The following RALGPS2 variants were observed in gnomAD, a reference collection of about 807,000 sequenced individuals.
RALGPS2 encodes ras-specific guanine nucleotide-releasing factor RalGPS2.
In RALGPS2, 43 loss-of-function variants were observed where a neutral mutation model predicts 86.8. That is an observed-to-expected ratio of 0.50 (90% CI 0.39 to 0.64). RALGPS2 has a LOEUF of 0.64. Ranked by LOEUF, RALGPS2 falls within the 30% of genes least tolerant of loss-of-function variation. The pLI is 0.00. For synonymous variants in RALGPS2, 243 were observed against 231.3 expected, an observed-to-expected ratio of 1.05 and a Z score of -0.46; for missense variants, 536 against 694.6, an observed-to-expected ratio of 0.77 and a Z score of 2.57.
intron 1 of RALGPS2, among the ~76,000 whole-genome samples, chr1:178,759,543 T>G (rs1482762998): frequency 6.6e-6 from 1 of 151,206 alleles, no homozygotes; most frequent in Non-Finnish European, 1.5e-5. Context: ...TTTTTTTTTT[T>G]TGCCCAAGAT....
intron 19 of RALGPS2, 129 bp downstream of exon 19, chr1:178,906,996 AC>A: frequency 1.3e-6 from 1 of 786,332 alleles, no homozygotes; most frequent in Non-Finnish European, 2.0e-6. Flanking sequence ...CTTGTTGATT[AC>A]AGTTAATAAG....
At chr1:178,898,570 CCTTT>C (rs1660040427) in intron 17 of RALGPS2, among the ~76,000 whole-genome samples, 1 of 152,030 alleles carries the variant, frequency 6.6e-6, no homozygotes, top group South Asian at 2.1e-4. Context: ...GATAGCATTG[CCTTT>C]CTTTATCAGC....
chr1:178,850,834 A>G (rs1013090184), intron 8 of RALGPS2: 1 of 223,386 alleles, frequency 4.5e-6, no homozygotes, highest in South Asian at 1.7e-4. Flanking sequence ...GATTTAAAAT[A>G]TAGCTAAGAT....
chr1:178,862,165 G>A (rs1380671998), intron 8 of RALGPS2, among the ~76,000 whole-genome samples: 2 of 152,060 alleles, frequency 1.3e-5, no homozygotes, highest in Non-Finnish European at 2.9e-5. Context: ...GAGCCACCAT[G>A]CCCGGCGAGG....
rs368273991 is a variant in RALGPS2 at position 178,749,222 on chromosome 1, C to T, written c.-84+23803C>T. Among the ~76,000 whole-genome samples the T allele has an allele frequency of 3.3e-3, 498 of 152,174 alleles. 4 individuals are homozygous for T. Among genetic ancestry groups the T allele is most frequent in the South Asian group, 0.012 (57 of 4,818 alleles). ...TTCATGCAGGCTGGGTGTGGTGGCTCACGCCTATAATCCTAGCACTTTGGG... is the reference window on the plus strand; with the variant it reads ...TTCATGCAGGCTGGGTGTGGTGGCTTACGCCTATAATCCTAGCACTTTGGG... On this transcript the variant is annotated intron_variant, in intron 1 of 19. Coordinates refer to ENST00000367635, the MANE Select transcript of RALGPS2 (RefSeq NM_152663.5).
chr1:178,785,711 T>C, intron 4 of RALGPS2, 104 bp downstream of exon 4: 1 of 1,395,412 alleles, frequency 7.2e-7, no homozygotes, highest in Non-Finnish European at 9.6e-7. Flanking sequence ...TTTAAAATGT[T>C]TGAAGCTTGT....
At chr1:178,801,642 C>T (rs146803322) in intron 4 of RALGPS2, among the ~76,000 whole-genome samples, 1 of 152,066 alleles carries the variant, frequency 6.6e-6, no homozygotes, top group Non-Finnish European at 1.5e-5. Context: ...GGAAAAAATG[C>T]TTTGTCACTT....
intron 1 of RALGPS2, among the ~76,000 whole-genome samples, chr1:178,728,401 G>GTTTT (rs1553257061): frequency 1.4e-4 from 7 of 49,748 alleles, no homozygotes; most frequent in Admixed American, 3.8e-4. Context: ...CCGAAAGTAT[G>GTTTT]CTTTTTTTTT....
At chr1:178,792,214 C>T (rs1416152961) in intron 4 of RALGPS2, among the ~76,000 whole-genome samples, 1 of 152,104 alleles carries the variant, frequency 6.6e-6, no homozygotes, top group East Asian at 1.9e-4. Flanking sequence ...TTAAACTTCA[C>T]CAGTCATTTT....
chr1:178,891,562 C>T (rs1307899852), intron 14 of RALGPS2, among the ~76,000 whole-genome samples: 2 of 151,852 alleles, frequency 1.3e-5, no homozygotes, highest in African/African-American at 4.8e-5. Flanking sequence ...TTCGGGTTTT[C>T]CTAGGCAAAG....
At chr1:178,781,603 TAAG>T (rs1306761810) in intron 2 of RALGPS2, among the ~76,000 whole-genome samples, 1 of 152,098 alleles carries the variant, frequency 6.6e-6, no homozygotes, top group Non-Finnish European at 1.5e-5. Flanking sequence ...TAATGGCCAT[TAAG>T]AAGGAAAAAA....
intron 1 of RALGPS2, among the ~76,000 whole-genome samples, chr1:178,736,308 C>G (rs1650701466): frequency 6.6e-6 from 1 of 151,726 alleles, no homozygotes; most frequent in South Asian, 2.1e-4. Context: ...ATTACAGGTG[C>G]CTACCACCAT....
intron 5 of RALGPS2, among the ~76,000 whole-genome samples, chr1:178,809,408 A>T (rs1322776509): frequency 6.6e-6 from 1 of 151,976 alleles, no homozygotes; most frequent in Non-Finnish European, 1.5e-5. Context: ...CGAGATAGGA[A>T]ATCCTCCAAG....
chr1:178,910,059 G>A (rs902627497), intron 19 of RALGPS2, among the ~76,000 whole-genome samples: 1 of 152,088 alleles, frequency 6.6e-6, no homozygotes, highest in African/African-American at 2.4e-5. Flanking sequence ...TTGGCTCTCA[G>A]TTTGAGTGTT....
chr1:178,819,292 C>A (rs1490512520), intron 6 of RALGPS2, among the ~76,000 whole-genome samples: 1 of 152,130 alleles, frequency 6.6e-6, no homozygotes, highest in East Asian at 1.9e-4. Flanking sequence ...CATGGCTGGC[C>A]TCTGTTTATT....
At chr1:178,883,334 G>A in intron 10 of RALGPS2, 132 bp from the exon 11 acceptor site, 2 of 657,998 alleles carry the variant, frequency 3.0e-6, no homozygotes, top group Non-Finnish European at 5.2e-6. Flanking sequence ...GATTGCTCTT[G>A]AAGAAAAGTA....
At chr1:178,856,012 C>A (rs914536142) in intron 8 of RALGPS2, among the ~76,000 whole-genome samples, 2 of 148,056 alleles carry the variant, frequency 1.4e-5, no homozygotes, top group African/African-American at 4.9e-5. Flanking sequence ...TATATTAGAA[C>A]AAAGAATGTA....
At chr1:178,808,457 C>T (rs1233963712) in intron 5 of RALGPS2, among the ~76,000 whole-genome samples, 1 of 152,134 alleles carries the variant, frequency 6.6e-6, no homozygotes, top group Non-Finnish European at 1.5e-5. Flanking sequence ...TATGCTTTTA[C>T]ACCAGTCATG....
chr1:178,730,384 A>T (rs1232979715), intron 1 of RALGPS2, among the ~76,000 whole-genome samples: 1 of 152,236 alleles, frequency 6.6e-6, no homozygotes, highest in Non-Finnish European at 1.5e-5. Flanking sequence ...GCTTTTGATT[A>T]AATCAGCATT....
Sources: gnomAD v4.1 joint callset for allele counts (sites outside exome capture counted in the v4.1 genomes callset) on GRCh38, gnomAD v4.1.1 for gene constraint, MANE v1.5 for transcripts, NCBI Gene and HGNC (gene_info 2026-07-23, HGNC 2026-07-21) for gene names.